Variants in ARID1B observed in about 807,000 individuals in gnomAD.
ARID1B encodes AT-rich interaction domain 1B.
A neutral mutation model predicts 212.3 loss-of-function variants in ARID1B; 30 were observed. The observed-to-expected ratio is 0.14, with a 90% CI of 0.11 to 0.19. ARID1B has a LOEUF of 0.19. Among genes scored for constraint, ARID1B ranks in the 10% least tolerant of loss-of-function variants. The pLI, the probability that ARID1B is intolerant of heterozygous loss-of-function variation, is 1.00. For synonymous variants in ARID1B, 1,402 were observed against 1,301.7 expected (o/e 1.08, Z -1.66); for missense variants, 2,891 against 3,204.0 (o/e 0.90, Z 2.36).
At chr6:156,936,854 C>G (rs778875590) in intron 4 of ARID1B, 12 of 152,050 alleles carry the variant, frequency 7.9e-5, no homozygotes, top group African/African-American at 1.4e-4. Flanking sequence ...CATTTGAGAA[C>G]AGACATTTGT....
intron 2 of ARID1B, among the ~76,000 whole-genome samples, chr6:156,842,297 A>T (rs747584872): frequency 6.6e-6 from 1 of 152,168 alleles, no homozygotes; most frequent in Non-Finnish European, 1.5e-5. Context: ...CCCCCAGGCA[A>T]CTGCTAACCT....
chr6:157,202,714 T>G (rs929910079), intron 18 of ARID1B, among the ~76,000 whole-genome samples: 2 of 150,832 alleles, frequency 1.3e-5, no homozygotes, highest in African/African-American at 4.9e-5. Context: ...TGCATGTGTA[T>G]CTATATCCCT....
At chr6:157,039,323 T>TTTTTTTTTTTC (rs1491589238) in intron 4 of ARID1B, among the ~76,000 whole-genome samples, 3 of 89,400 alleles carry the variant, frequency 3.4e-5, no homozygotes, top group Non-Finnish European at 7.0e-5. Flanking sequence ...TTGACATTTC[T>TTTTTTTTTTTC]TTTTTTTTTT....
chr6:157,144,244 C>T (rs1472143988), intron 7 of ARID1B, among the ~76,000 whole-genome samples: 1 of 152,232 alleles, frequency 6.6e-6, no homozygotes, highest in Admixed American at 6.5e-5. Flanking sequence ...CGCATTCCAG[C>T]TATAAGCAGA....
At chr6:156,905,401 A>C (rs1396730372) in intron 3 of ARID1B, among the ~76,000 whole-genome samples, 5 of 152,148 alleles carry the variant, frequency 3.3e-5, no homozygotes, top group Non-Finnish European at 7.3e-5. Context: ...CTTGCTGGAG[A>C]ATTCCTTCTT....
intron 3 of ARID1B, among the ~76,000 whole-genome samples, chr6:156,910,494 G>A (rs574983481): frequency 6.6e-6 from 1 of 152,006 alleles, no homozygotes; most frequent in Admixed American, 6.6e-5. Flanking sequence ...CCCTGTTCTC[G>A]AATAGTTGTC....
chr6:156,973,812 A>T (rs1777078140), intron 4 of ARID1B, among the ~76,000 whole-genome samples: 1 of 152,200 alleles, frequency 6.6e-6, no homozygotes, highest in African/African-American at 2.4e-5. Flanking sequence ...GAATTTATTT[A>T]AAAATTTCCT....
chr6:157,174,749 A>T lies in ARID1B; in HGVS notation c.3346-98A>T, dbSNP rs9384531. On this transcript the variant is annotated intron_variant, in intron 10 of 19. Transcript: ENST00000636930. ...ATATATATATATATATAATATATAT[A>T]AAAAAATTAGTTTGTTAAAGTGGAT... 7.9e-3 allele frequency: 3,464 copies of T among 438,818 alleles called. 107 individuals are homozygous for T. The highest frequency in any genetic ancestry group is 0.055 in the Admixed American group (1,169 of 21,226). The allele number at this position is 438,818 out of a possible 1,614,324, so 27.2% of individuals were successfully genotyped here.
intron 4 of ARID1B, among the ~76,000 whole-genome samples, chr6:156,954,642 A>G (rs1793827319): frequency 6.6e-6 from 1 of 152,120 alleles, no homozygotes. Flanking sequence ...GTTTTTCCTT[A>G]CATTAGCTCG....
Position 157,039,646 on chromosome 6 carries a change from TTTCCTTCCTTCCTTCC to T in ARID1B, c.2248-44980_2248-44965del, listed in dbSNP as rs1273287334. ...CCTTCCTTCCTTCCTTCCTTCCTTC[TTTCCTTCCTTCCTTCC>T]TTCCTTCCTTCCTTCCTTCCTTCCT... On this transcript the variant is annotated intron_variant, in intron 4 of 19. Transcript: ENST00000636930. Among the ~76,000 whole-genome samples, 224 of 59,312 alleles carry T rather than the reference TTTCCTTCCTTCCTTCC, an allele frequency of 3.8e-3. 4 individuals carry two copies. The highest frequency in any genetic ancestry group is 0.012 in the African/African-American group (166 of 14,066). 38.9% of individuals were successfully genotyped at this position (59,312 alleles called of 152,430 possible).
chr6:156,918,765 G>A (rs982117858), intron 3 of ARID1B, among the ~76,000 whole-genome samples: 12 of 152,050 alleles, frequency 7.9e-5, no homozygotes, highest in African/African-American at 2.4e-4. Flanking sequence ...GCCGGTTTTG[G>A]GAGCACAGAG....
intron 8 of ARID1B, chr6:157,149,808 T>TGTGTGTGC (rs375988602): frequency 6.6e-6 from 1 of 152,128 alleles, no homozygotes; most frequent in Non-Finnish European, 1.5e-5. Flanking sequence ...AAAGCTAAGG[T>TGTGTGTGC]GTGTGTGCGT....
At position 157,198,046 on chromosome 6, in the gene ARID1B, T is replaced by G. The variant is rs1323336326; in HGVS notation, c.4383-765T>G. Among the ~76,000 whole-genome samples, 6 of 152,374 alleles carry G rather than the reference T, an allele frequency of 3.9e-5. No homozygotes were observed. In the East Asian group the frequency reaches 1.2e-3, roughly 29 times the overall value. ...CCCTTTCTTACAAGATTTAGTATATTAAACCAATGTATTTTTCAAAGTTCC... is the reference window on the plus strand; with the variant it reads ...CCCTTTCTTACAAGATTTAGTATATGAAACCAATGTATTTTTCAAAGTTCC... On this transcript the variant is annotated intron_variant, in intron 16 of 19. Transcript: ENST00000636930.
chr6:157,141,060 A>T (rs1789310876), intron 7 of ARID1B: 1 of 162,250 alleles, frequency 6.2e-6, no homozygotes, highest in African/African-American at 2.4e-5. Flanking sequence ...TTGCTAAGGC[A>T]GAGTAATCCA....
intron 15 of ARID1B, 103 bp from the exon 16 acceptor site, chr6:157,196,062 A>C: frequency 6.8e-7 from 1 of 1,476,350 alleles, no homozygotes; most frequent in Admixed American, 2.2e-5. Context: ...CCATCTCAAA[A>C]AAAAGAAAAA....
chr6:157,151,264 A>AT (rs1790180192), intron 8 of ARID1B: 1 of 152,042 alleles, frequency 6.6e-6, no homozygotes, highest in Non-Finnish European at 1.5e-5. Flanking sequence ...TCATGACTAT[A>AT]TTATCACTCC....
intron 11 of ARID1B, among the ~76,000 whole-genome samples, chr6:157,176,751 C>CCTCA (rs1792128376): frequency 6.6e-6 from 1 of 152,112 alleles, no homozygotes; most frequent in East Asian, 1.9e-4. Context: ...GAGGCTGAGG[C>CCTCA]AGGAAAATCA....
chr6:156,906,771 G>T (rs1789429815), intron 3 of ARID1B, among the ~76,000 whole-genome samples: 1 of 152,124 alleles, frequency 6.6e-6, no homozygotes, highest in Admixed American at 6.6e-5. Context: ...GCATGGGATA[G>T]CTTTCCATCT....
intron 1 of ARID1B, among the ~76,000 whole-genome samples, chr6:156,821,424 C>T (rs754543520): frequency 6.6e-6 from 1 of 152,174 alleles, no homozygotes; most frequent in Non-Finnish European, 1.5e-5. Context: ...TAGCTTACAG[C>T]GATCTTCAAA....
Sources: gnomAD v4.1 joint callset for allele counts (sites outside exome capture counted in the v4.1 genomes callset) on GRCh38, gnomAD v4.1.1 for gene constraint, MANE v1.5 for transcripts, NCBI Gene and HGNC (gene_info 2026-07-23, HGNC 2026-07-21) for gene names.